The following STARD8 variants were observed in gnomAD, a reference collection of about 807,000 sequenced individuals.
STARD8 encodes stAR-related lipid transfer protein 8.
STARD8 carries 25 observed loss-of-function variants against 69.4 expected under a neutral mutation model. That is an observed-to-expected ratio of 0.36 (90% CI 0.26 to 0.50). The LOEUF is 0.50. Among genes scored for constraint, STARD8 ranks in the 20% least tolerant of loss-of-function variants. The pLI is 0.96. For synonymous variants in STARD8, 389 were observed against 374.6 expected, an observed-to-expected ratio of 1.04 and a Z score of -0.45; for missense variants, 921 against 932.5, an observed-to-expected ratio of 0.99 and a Z score of 0.16.
rs756499041 is a variant in STARD8 at position 68,666,742 on chromosome X, T to C, written c.79+1210T>C. 6.2e-4 allele frequency among the ~76,000 whole-genome samples: 69 copies of C among 112,120 alleles called. No homozygotes were observed. The Admixed American group carries it at 6.4e-3, about 10-fold the overall frequency. On this transcript the variant is annotated intron_variant, in intron 2 of 14. Coordinates refer to ENST00000374599, the MANE Select transcript of STARD8 (RefSeq NM_001142503.3). ...GATCAGCATACAGCATACATCTGCTTCTCCACTTCCCCACCCTGCCTTTCC... is the reference window on the plus strand; with the variant it reads ...GATCAGCATACAGCATACATCTGCTCCTCCACTTCCCCACCCTGCCTTTCC...
rs968469449 is a variant in STARD8 at position 68,722,746 on chromosome X, C to G, written c.2799+100C>G. On this transcript the variant is annotated intron_variant, in intron 12 of 14. Transcript: ENST00000374599. ...AAGGAAGGAGCCGGGGAGGAGCTGCCGCCTGAGTCTCGCTGTGCCTCGGCC... is the reference window on the plus strand; with the variant it reads ...AAGGAAGGAGCCGGGGAGGAGCTGCGGCCTGAGTCTCGCTGTGCCTCGGCC... 6.0e-5 allele frequency: 50 copies of G among 827,074 alleles called. No homozygotes were observed. In the East Asian group the frequency reaches 1.2e-3, roughly 19 times the overall value. The allele number at this position is 827,074 out of a possible 1,213,427, so 68.2% of individuals were successfully genotyped here.
At chrX:68,687,336 G>GA (rs1297723073) in intron 2 of STARD8, among the ~76,000 whole-genome samples, 3 of 110,103 alleles carry the variant, frequency 2.7e-5, no homozygotes, top group Non-Finnish European at 5.7e-5. Flanking sequence ...TTTAAAAATT[G>GA]AAAAAAAAGT....
chrX:68,653,395 C>T (rs1200000348), intron 1 of STARD8, among the ~76,000 whole-genome samples: 1 of 61,963 alleles, frequency 1.6e-5, no homozygotes, highest in African/African-American at 5.9e-5. Flanking sequence ...ACACACACCC[C>T]ACACACACCA....
At chrX:68,652,984 CA>C (rs2079566313) in intron 1 of STARD8, among the ~76,000 whole-genome samples, 1 of 21,820 alleles carries the variant, frequency 4.6e-5, no homozygotes, top group East Asian at 1.7e-3. Flanking sequence ...ACACACCACA[CA>C]CACACCACAC....
chrX:68,649,550 C>T (rs1459023081), intron 1 of STARD8, among the ~76,000 whole-genome samples: 1 of 110,732 alleles, frequency 9.0e-6, no homozygotes, highest in Non-Finnish European at 1.9e-5. Flanking sequence ...ACTCAAAGGA[C>T]TATTCTTTAT....
chrX:68,717,125 C>T, intron 5 of STARD8, 87 bp from the exon 6 acceptor site: 1 of 1,090,024 alleles, frequency 9.2e-7, no homozygotes, highest in African/African-American at 1.9e-5. Flanking sequence ...CTCAGAGTCC[C>T]CCAAGAGTTT....
At chrX:68,653,505 C>T (rs2079588838) in intron 1 of STARD8, among the ~76,000 whole-genome samples, 1 of 27,294 alleles carries the variant, frequency 3.7e-5, no homozygotes, top group Non-Finnish European at 7.2e-5. Context: ...TCACACACAC[C>T]ATACACACCA....
chrX:68,694,716 T>TTTA (rs768734299), intron 2 of STARD8, among the ~76,000 whole-genome samples: 23 of 111,554 alleles, frequency 2.1e-4, no homozygotes, highest in African/African-American at 7.5e-4. Flanking sequence ...GGCTCCTAAC[T>TTTA]GGCAGGTAAA....
rs1291281270 is a variant in STARD8 at position 68,717,301 on chromosome X, C to T, written c.387C>T (p.Ser129=). The T allele has an allele frequency of 1.7e-6, 2 of 1,206,241 alleles. No homozygotes were observed. The highest frequency in any genetic ancestry group is 2.2e-6 in the Non-Finnish European group (2 of 892,954). The change falls in exon 6 of 15, where the codon TCC becomes TCT. Residue 129 remains serine, a synonymous_variant. Coordinates refer to ENST00000374599, the MANE Select transcript of STARD8 (RefSeq NM_001142503.3). ...QESKCWSPMG[S]SDLLAPPSPG... is the part of the protein sequence containing the mutation. Reference sequence around the variant, plus strand: ...GTAAGTGCTGGTCTCCTATGGGGTCCTCTGATCTGTTGGCCCCACCGAGCC... The same window carrying T: ...GTAAGTGCTGGTCTCCTATGGGGTCTTCTGATCTGTTGGCCCCACCGAGCC...
At chrX:68,716,334 G>A in intron 4 of STARD8, 34 bp from the exon 5 acceptor site, 5 of 1,196,821 alleles carry the variant, frequency 4.2e-6, no homozygotes, top group Admixed American at 4.4e-5. Flanking sequence ...TTGGGGATGG[G>A]GACCCTTGGT....
chrX:68,710,285 G>A (rs1464812525), intron 2 of STARD8, among the ~76,000 whole-genome samples: 2 of 112,437 alleles, frequency 1.8e-5, no homozygotes, highest in Non-Finnish European at 3.8e-5. Flanking sequence ...TTCTGGGGAA[G>A]GGGCCCTGGG....
Position 68,647,732 on chromosome X carries a change from C to T in STARD8, c.-151C>T. 1 of 727,355 alleles carries T rather than the reference C, an allele frequency of 1.4e-6. No individual in the cohort carries two copies. Among genetic ancestry groups the T allele is most frequent in the Non-Finnish European group, 1.9e-6 (1 of 513,872 alleles). The allele number at this position is 727,355 out of a possible 1,213,427, so 59.9% of individuals were successfully genotyped here. On this transcript the variant is annotated 5_prime_UTR_variant, in exon 1 of 15. Coordinates refer to ENST00000374599, the MANE Select transcript of STARD8 (RefSeq NM_001142503.3). ...GCTGAGCCCCGGCAACCGCTGCTCT[C>T]CGCCTCTCCCCTCGCGGGGCCGGCT...
At chrX:68,661,269 A>G (rs994797264) in intron 1 of STARD8, among the ~76,000 whole-genome samples, 1 of 111,729 alleles carries the variant, frequency 9.0e-6, no homozygotes, top group African/African-American at 3.3e-5. Context: ...GCTTGTCCAT[A>G]GCCTTTGCAG....
rs369464761 is a variant in STARD8, at chrX:68,723,953, G to A, written c.3026G>A (p.Arg1009His). ...TGTCCCTTCTCCAATAGGATGTGGC[G>A]CTCTGACCTGCCTCGTGGGGGTTGC... ...CRDFVVLRMWRSDLPRGGCLL... is the reference protein window; with the variant it reads ...CRDFVVLRMWHSDLPRGGCLL... The change falls in exon 14 of 15, where the codon CGC (arginine) becomes CAC (histidine). Residue 1009 changes from arginine to histidine, a missense_variant. Coordinates refer to ENST00000374599, the MANE Select transcript of STARD8 (RefSeq NM_001142503.3). 3.6e-5 allele frequency: 43 copies of A among 1,210,425 alleles called. No homozygotes were observed. The East Asian group carries it at 1.2e-3, about 33-fold the overall frequency.
rs1458252762 is a variant in STARD8 at position 68,717,468 on chromosome X, C to T, written c.554C>T (p.Pro185Leu). The T allele has an allele frequency of 8.3e-7, 1 of 1,208,300 alleles. No homozygotes were observed. Among genetic ancestry groups the T allele is most frequent in the African/African-American group, 1.8e-5 (1 of 56,931 alleles). ...CGTGCCCCCAGCTCGAGTGACCGGC[C>T]CCTCCTCAGCCCCACCCAGGGCCAG... ...PGRAPSSSDR[P>L]LLSPTQGQEG... Residue 185 changes from proline (P) to leucine (L), a missense_variant, in exon 6 of 15, where the codon CCC (proline) becomes CTC (leucine). By Grantham distance (98) the Pro-to-Leu change is moderately conservative. Coordinates refer to ENST00000374599, the MANE Select transcript of STARD8 (RefSeq NM_001142503.3).
chrX:68,658,059 C>G (rs2147874207), intron 1 of STARD8, among the ~76,000 whole-genome samples: 1 of 110,857 alleles, frequency 9.0e-6, no homozygotes, highest in African/African-American at 3.3e-5. Flanking sequence ...ATTGGCAATA[C>G]CAGACTTCTC....
intron 2 of STARD8, among the ~76,000 whole-genome samples, chrX:68,695,238 G>C (rs1253906299): frequency 6.3e-5 from 7 of 111,184 alleles, no homozygotes; most frequent in Non-Finnish European, 9.4e-5. Flanking sequence ...TTTCTGGGTG[G>C]CTTTCGCAGT....
rs2080110241 is a variant in STARD8, at chrX:68,718,020, T to C, written c.1106T>C (p.Val369Ala). The C allele has an allele frequency of 8.3e-6, 10 of 1,210,252 alleles. No homozygotes were observed. Among genetic ancestry groups the C allele is most frequent in the Non-Finnish European group, 1.1e-5 (10 of 894,884 alleles). Reference protein sequence around the residue: ...PELYPAEPVMVGAEAEDEDDE... With the variant: ...PELYPAEPVMAGAEAEDEDDE... ...CTGTACCCAGCTGAGCCTGTAATGG[T>C]TGGGGCTGAGGCTGAAGATGAAGAT... The change falls in exon 6 of 15, where the codon GTT (valine) becomes GCT (alanine). Residue 369 changes from valine (V) to alanine (A), a missense_variant. By Grantham distance (64) the Val-to-Ala change is moderately conservative. Transcript: ENST00000374599.
intron 7 of STARD8, 42 bp from the exon 8 acceptor site, chrX:68,720,222 C>T: frequency 8.8e-7 from 1 of 1,139,742 alleles, no homozygotes; most frequent in South Asian, 2.2e-5. Context: ...AGTCTCCAAA[C>T]TGTGTTCCCC....
Sources: gnomAD v4.1 joint callset for allele counts (sites outside exome capture counted in the v4.1 genomes callset) on GRCh38, gnomAD v4.1.1 for gene constraint, MANE v1.5 for transcripts, NCBI Gene and HGNC (gene_info 2026-07-23, HGNC 2026-07-21) for gene names.